The following FER1L5 variants were observed in gnomAD, a reference collection of about 807,000 sequenced individuals.
FER1L5 encodes fer-1-like protein 5.
In FER1L5, 187 loss-of-function variants were observed where a neutral mutation model predicts 279.9. That is an observed-to-expected ratio of 0.67 (90% CI 0.59 to 0.75). The LOEUF is 0.75. FER1L5 is among the 30% of genes least tolerant of loss of function. FER1L5 has a pLI of 0.00. For synonymous variants in FER1L5, 921 were observed against 989.7 expected, an observed-to-expected ratio of 0.93 and a Z score of 1.30; for missense variants, 2,091 against 2,594.4, an observed-to-expected ratio of 0.81 and a Z score of 4.21.
Position 96,696,087 on chromosome 2 carries a change from G to A in FER1L5, c.4083+10G>A, listed in dbSNP as rs2077368027. On this transcript the variant is annotated intron_variant, in intron 37 of 52. Transcript: ENST00000624922. ...GAAGAAGCACCAAGACGTAAGTAAG[G>A]GCTGCAGGCCCACCTTCTCCCATAC... The A allele has an allele frequency of 1.2e-6, 2 of 1,613,728 alleles. No homozygotes were observed. Among genetic ancestry groups the A allele is most frequent in the East Asian group, 4.5e-5 (2 of 44,856 alleles).
At chr2:96,665,236 G>T (rs190386604) in intron 14 of FER1L5, among the ~76,000 whole-genome samples, 4 of 152,296 alleles carry the variant, frequency 2.6e-5, no homozygotes, top group African/African-American at 9.6e-5. Context: ...CATGGACTTG[G>T]CAACCCAGAG....
intron 9 of FER1L5, among the ~76,000 whole-genome samples, chr2:96,656,536 A>C (rs1182960673): frequency 6.6e-6 from 1 of 152,186 alleles, no homozygotes; most frequent in Non-Finnish European, 1.5e-5. Context: ...AGGCTGAGGC[A>C]GGTGAATCAT....
intron 15 of FER1L5, 29 bp downstream of exon 15, chr2:96,668,823 A>C: frequency 4.5e-6 from 7 of 1,551,610 alleles, no homozygotes; most frequent in Non-Finnish European, 6.1e-6. Flanking sequence ...GCTGAAGCAC[A>C]CAGGGAAGGA....
At chr2:96,646,369 C>T (rs1301162235) in intron 1 of FER1L5, 32 bp from the exon 2 acceptor site, 2 of 1,550,412 alleles carry the variant, frequency 1.3e-6, no homozygotes, top group Non-Finnish European at 1.7e-6. Context: ...ATATTTCCTA[C>T]CATCAATGCC....
At position 96,694,568 on chromosome 2, in the gene FER1L5, C is replaced by A; in HGVS notation, c.3741+104C>A. ...CTCCCTGACTACTGGATCCAAAGCT[C>A]ACACCCCGAAAAAGACTACCTGGGA... On this transcript the variant is annotated intron_variant, in intron 34 of 52. Coordinates refer to ENST00000624922, the MANE Select transcript of FER1L5 (RefSeq NM_001293083.2). The surrounding 1 kb of genome is among the most constrained non-coding windows in gnomAD (Gnocchi z 4.6). 1 of 914,116 alleles carries A rather than the reference C, an allele frequency of 1.1e-6. No individual in the cohort carries two copies. Among genetic ancestry groups the A allele is most frequent in the South Asian group, 2.6e-5 (1 of 38,324 alleles). The allele number at this position is 914,116 out of a possible 1,614,324, so 56.6% of individuals were successfully genotyped here.
Position 96,696,092 on chromosome 2 carries a change from C to T in FER1L5, c.4083+15C>T, listed in dbSNP as rs1409299143. ...AGCACCAAGACGTAAGTAAGGGCTG[C>T]AGGCCCACCTTCTCCCATACTGTTG... On this transcript the variant is annotated intron_variant, in intron 37 of 52. Coordinates refer to ENST00000624922, the MANE Select transcript of FER1L5 (RefSeq NM_001293083.2). 2.5e-6 allele frequency: 4 copies of T among 1,613,636 alleles called. No homozygotes were observed. Among genetic ancestry groups the T allele is most frequent in the Admixed American group, 3.3e-5 (2 of 60,018 alleles).
Position 96,687,818 on chromosome 2 carries a change from C to T in FER1L5, c.2232C>T (p.Tyr744=). The T allele has an allele frequency of 8.4e-6, 13 of 1,551,082 alleles. No individual in the cohort carries two copies. The highest frequency in any genetic ancestry group is 1.1e-5 in the Non-Finnish European group (13 of 1,146,938). The change falls in exon 24 of 53, where the codon TAC becomes TAT. Residue 744 remains tyrosine, a splice_region_variant and synonymous_variant. Coordinates refer to ENST00000624922, the MANE Select transcript of FER1L5 (RefSeq NM_001293083.2). ...CGKIQTLFLQ[Y]PEGEGQKDVL... is the part of the protein sequence containing the mutation. ...GGACCGATCGGCCTCTGGCTCAGTA[C>T]CCAGAGGGTGAAGGACAGAAGGATG...
rs762840088 is a variant in FER1L5, at chr2:96,703,090, C to T, written c.5497+13C>T. The T allele has an allele frequency of 1.2e-6, 2 of 1,613,732 alleles. No individual in the cohort carries two copies. The highest frequency in any genetic ancestry group is 1.7e-6 in the Non-Finnish European group (2 of 1,179,768). On this transcript the variant is annotated intron_variant, in intron 49 of 52. Transcript: ENST00000624922. ...GACGACTTCCTAGGTGAGGTCCTGA[C>T]ACAGGGCTTGTGACCACAGGACAGG...
intron 45 of FER1L5, 121 bp downstream of exon 45, chr2:96,700,592 T>A: frequency 7.6e-7 from 1 of 1,320,774 alleles, no homozygotes; most frequent in Non-Finnish European, 1.1e-6. Context: ...CATTTAGTAA[T>A]GTACATGCAC....
chr2:96,669,510 A>G (rs1431043670), intron 17 of FER1L5, among the ~76,000 whole-genome samples: 1 of 152,206 alleles, frequency 6.6e-6, no homozygotes, highest in Non-Finnish European at 1.5e-5. Context: ...AAACCCAGGG[A>G]AAAACAAGAG....
chr2:96,661,273 G>A, intron 10 of FER1L5, 52 bp from the exon 11 acceptor site: 1 of 1,320,922 alleles, frequency 7.6e-7, no homozygotes. Flanking sequence ...GGTTTCAGGG[G>A]AGAAGGAAGG....
chr2:96,665,800 G>A (rs1430280259), intron 14 of FER1L5, among the ~76,000 whole-genome samples: 1 of 151,994 alleles, frequency 6.6e-6, no homozygotes, highest in Non-Finnish European at 1.5e-5. Flanking sequence ...TGGCCAGGCT[G>A]GTCTCGAACA....
intron 20 of FER1L5, 62 bp from the exon 21 acceptor site, chr2:96,685,267 G>C (rs759222288): frequency 1.4e-5 from 20 of 1,437,768 alleles, no homozygotes; most frequent in Non-Finnish European, 1.9e-5. Context: ...CAGCCCTGTG[G>C]CCTGTCCAGC....
chr2:96,659,443 TTC>T (rs1491532771), intron 9 of FER1L5, among the ~76,000 whole-genome samples: 2 of 29,778 alleles, frequency 6.7e-5, no homozygotes, highest in East Asian at 7.9e-4. Context: ...CTTTCTTTCT[TTC>T]TTTCTTTCTT....
intron 45 of FER1L5, 121 bp downstream of exon 45, chr2:96,700,592 T>C (rs1009017165): frequency 2.0e-5 from 26 of 1,320,652 alleles, no homozygotes; most frequent in Non-Finnish European, 2.6e-5. Flanking sequence ...CATTTAGTAA[T>C]GTACATGCAC....
intron 19 of FER1L5, among the ~76,000 whole-genome samples, chr2:96,682,965 T>C (rs528294145): frequency 5.3e-5 from 8 of 151,982 alleles, no homozygotes; most frequent in Non-Finnish European, 1.2e-4. Flanking sequence ...GCTACACAGA[T>C]AACATAAGCA....
In FER1L5 at chr2:96,656,595, A is replaced by G. The variant is rs146222368; in HGVS notation, c.747+2099A>G. ...CAGTGAGCCAAGATTTTGCCACTGC[A>G]CTCCAGTCTGAGCAAAAGAGAGAGA... On this transcript the variant is annotated intron_variant, in intron 9 of 52. Transcript: ENST00000624922. 6.3e-4 allele frequency among the ~76,000 whole-genome samples: 96 copies of G among 152,314 alleles called. 1 individual carries two copies. The highest frequency in any genetic ancestry group is 9.9e-4 in the Non-Finnish European group (67 of 68,020).
In FER1L5 at chr2:96,689,315, G is replaced by A. The variant is rs2077051320; in HGVS notation, c.2464G>A (p.Asp822Asn). 6.5e-7 allele frequency: 1 copy of A among 1,550,252 alleles called. No individual in the cohort carries two copies. Among genetic ancestry groups the A allele is most frequent in the Non-Finnish European group, 8.7e-7 (1 of 1,146,644 alleles). The stretch of plus-strand genomic sequence containing the variant: ...GGGGAACAAGACCCTCCCCATGACG[G>A]ATTTCCAACCACCCCTGGGATGGCA... ...VMGNKTLPMT[D>N]FQPPLGWHWQ... The change falls in exon 25 of 53, where the codon GAT becomes AAT. Residue 822 changes from aspartate to asparagine, a missense_variant. Asp to Asn is a conservative substitution (Grantham distance 23, BLOSUM62 1). Transcript: ENST00000624922. This position sits in a 1 kb window ranked among gnomAD's most constrained non-coding sequence, Gnocchi z 4.6.
At chr2:96,683,451 C>T (rs2076805466) in intron 19 of FER1L5, among the ~76,000 whole-genome samples, 1 of 152,100 alleles carries the variant, frequency 6.6e-6, no homozygotes, top group Non-Finnish European at 1.5e-5. Flanking sequence ...CCTTAAGGGC[C>T]CACCCTGCTC....
Sources: gnomAD v4.1 joint callset for allele counts (sites outside exome capture counted in the v4.1 genomes callset) on GRCh38, gnomAD v4.1.1 for gene constraint, Gnocchi (gnomAD v3.1) non-coding constraint, MANE v1.5 for transcripts, NCBI Gene and HGNC (gene_info 2026-07-23, HGNC 2026-07-21) for gene names.